The following PNO1 variants were observed in gnomAD, a reference collection of about 807,000 sequenced individuals.
PNO1 encodes the protein RNA-binding protein PNO1.
Under a neutral mutation model 28.4 loss-of-function variants are expected in PNO1, and 16 were observed. The ratio of observed to expected loss-of-function variants is 0.56; its 90% confidence interval spans 0.38 to 0.85. The LOEUF is 0.85. Among genes scored for constraint, PNO1 ranks in the 40% least tolerant of loss-of-function variants. The probability of loss-of-function intolerance (pLI) is 0.00; values close to 1 mark genes in which losing one functional copy is unlikely to be tolerated. For missense variants in PNO1, 304 were observed against 312.2 expected (o/e 0.97, Z 0.20); for synonymous variants, 115 against 110.8 (o/e 1.04, Z -0.24).
At chr2:68,174,667 T>G in intron 6 of PNO1, 68 bp from the exon 7 acceptor site, 1 of 1,058,288 alleles carries the variant, frequency 9.4e-7, no homozygotes, top group Non-Finnish European at 1.4e-6. Context: ...CCTTAGACAC[T>G]GAGGGACAAC....
At chr2:68,174,407 C>T (rs1399561858) in intron 6 of PNO1, among the ~76,000 whole-genome samples, 1 of 147,530 alleles carries the variant, frequency 6.8e-6, no homozygotes, top group African/African-American at 2.5e-5. Flanking sequence ...ATCTGCGGAT[C>T]GAACCAATGG....
intron 2 of PNO1, among the ~76,000 whole-genome samples, chr2:68,159,802 CT>C (rs1405805536): frequency 6.6e-6 from 1 of 151,932 alleles, no homozygotes; most frequent in Non-Finnish European, 1.5e-5. Flanking sequence ...CTCATTCAGG[CT>C]TTTATGGTTT....
chr2:68,171,427 T>G lies in PNO1; in HGVS notation c.621-1920T>G, dbSNP rs1016213299. On this transcript the variant is annotated intron_variant, in intron 5 of 6. Coordinates refer to ENST00000263657, the MANE Select transcript of PNO1 (RefSeq NM_020143.4). ...GCTTCTTGATATTCCTGCTGCTGAT[T>G]TAGGCATCAGTTGACTTCGGTCTGC... 9.8e-5 allele frequency among the ~76,000 whole-genome samples: 15 copies of G among 152,330 alleles called. No homozygotes were observed. In the South Asian group the frequency reaches 2.9e-3, roughly 29 times the overall value.
intron 3 of PNO1, 54 bp downstream of exon 3, chr2:68,161,820 C>G: frequency 9.0e-7 from 1 of 1,117,098 alleles, no homozygotes; most frequent in South Asian, 1.3e-5. Flanking sequence ...TCAATGTGAA[C>G]ATTTCAATGG....
intron 5 of PNO1, among the ~76,000 whole-genome samples, chr2:68,168,814 T>TC (rs1674055328): frequency 6.6e-6 from 1 of 152,176 alleles, no homozygotes; most frequent in Non-Finnish European, 1.5e-5. Flanking sequence ...AATTTCCTTT[T>TC]CTTTTTTTTA....
chr2:68,166,376 C>G (rs1359892522), intron 5 of PNO1, among the ~76,000 whole-genome samples: 1 of 132,408 alleles, frequency 7.6e-6, no homozygotes, highest in South Asian at 2.6e-4. Flanking sequence ...TGTACTCTTT[C>G]ATAAAGTAAG....
intron 5 of PNO1, among the ~76,000 whole-genome samples, chr2:68,172,878 C>A (rs1674166730): frequency 6.6e-6 from 1 of 152,050 alleles, no homozygotes; most frequent in South Asian, 2.1e-4. Flanking sequence ...TCAAACAATT[C>A]TTTGTCTTTT....
intron 1 of PNO1, 27 bp from the exon 2 acceptor site, chr2:68,158,353 C>T: frequency 6.3e-7 from 1 of 1,598,352 alleles, no homozygotes; most frequent in Non-Finnish European, 8.5e-7. Flanking sequence ...CCATAGCCTT[C>T]TGAGTTGTGT....
In PNO1 at chr2:68,174,763, T is replaced by C. The variant is rs752152679; in HGVS notation, c.720T>C (p.Asn240=). Reference sequence around the variant, plus strand: ...ATCCTCCTTCCAAGGTTTATGGCAATATTCGAGCTGTGGCTAGCAGATCAG... The same window carrying C: ...ATCCTCCTTCCAAGGTTTATGGCAACATTCGAGCTGTGGCTAGCAGATCAG... ...LGNPPSKVYG[N]IRAVASRSAD... is the part of the protein sequence containing the mutation. The change falls in exon 7 of 7, where the codon AAT becomes AAC. Residue 240 remains asparagine (N), a synonymous_variant. Transcript: ENST00000263657. 1 of 1,611,052 alleles carries C rather than the reference T, an allele frequency of 6.2e-7. No homozygotes were observed. The highest frequency in any genetic ancestry group is 1.7e-5 in the Admixed American group (1 of 59,942).
Position 68,162,592 on chromosome 2 carries a change from C to T in PNO1, c.549C>T (p.Ile183=), listed in dbSNP as rs145761768. The part of the protein sequence containing the change: ...GDHLSRAIGR[I]AGKGGKTKFT... ...ATCTATCCAGGGCAATAGGAAGAATCGCTGGCAAAGGAGGAAAAACCAAAT... is the reference window on the plus strand; with the variant it reads ...ATCTATCCAGGGCAATAGGAAGAATTGCTGGCAAAGGAGGAAAAACCAAAT... The change falls in exon 5 of 7, where the codon ATC becomes ATT. Residue 183 remains isoleucine, a synonymous_variant. Transcript: ENST00000263657. 14 of 1,613,734 alleles carry T rather than the reference C, an allele frequency of 8.7e-6. No individual in the cohort carries two copies. The highest frequency in any genetic ancestry group is 2.2e-5 in the South Asian group (2 of 91,078).
At chr2:68,173,140 G>T in intron 5 of PNO1, 1 of 283,042 alleles carries the variant, frequency 3.5e-6, no homozygotes, top group East Asian at 5.4e-5. Flanking sequence ...CACTCAGGTT[G>T]GCATGTTGCA....
In PNO1 at chr2:68,173,591, T is replaced by TG. The variant is rs893152064; in HGVS notation, c.691+174_691+175insG. Among the ~76,000 whole-genome samples the TG allele has an allele frequency of 1.4e-4, 21 of 147,914 alleles. 1 individual carries two copies. Among genetic ancestry groups the TG allele is most frequent in the African/African-American group, 5.3e-4 (21 of 39,956 alleles). ...AGGAAGTAGAATTTTTTTTTTTTTT[T>TG]TTTTTTTCTGAGCCAGAGTCTCGCT... On this transcript the variant is annotated intron_variant, in intron 6 of 6. Transcript: ENST00000263657.
In PNO1 at chr2:68,176,185, T is replaced by A. The variant is rs1357121712; in HGVS notation, c.*1383T>A. On this transcript the variant is annotated 3_prime_UTR_variant, in exon 7 of 7. Transcript: ENST00000263657. ...TCTGCCTGTTTAAATGGTATTATTT[T>A]ATACATTACAAAATGGAAGGAACTT... The A allele has an allele frequency of 2.0e-5, 3 of 152,264 alleles. No individual in the cohort carries two copies. Among genetic ancestry groups the A allele is most frequent in the Non-Finnish European group, 4.4e-5 (3 of 68,046 alleles). 9.4% of individuals were successfully genotyped at this position (152,264 alleles called of 1,614,324 possible).
At chr2:68,174,634 G>A (rs1160492285) in intron 6 of PNO1, 101 bp from the exon 7 acceptor site, 2 of 691,404 alleles carry the variant, frequency 2.9e-6, no homozygotes, top group Non-Finnish European at 5.1e-6. Context: ...TGTGGTGTCT[G>A]TGGGAGTCCT....
At position 68,157,910 on chromosome 2, in the gene PNO1, C is replaced by G; in HGVS notation, c.-25C>G. The G allele has an allele frequency of 6.2e-7, 1 of 1,605,534 alleles. No homozygotes were observed. Among genetic ancestry groups the G allele is most frequent in the Non-Finnish European group, 8.5e-7 (1 of 1,173,008 alleles). ...GGTGCAGCTGCGCACGTGTTTCAGC[C>G]GGCAGCGCTTTAAGATTTCCGGGGA... On this transcript the variant is annotated 5_prime_UTR_variant, in exon 1 of 7. Coordinates refer to ENST00000263657, the MANE Select transcript of PNO1 (RefSeq NM_020143.4).
At chr2:68,161,253 A>T (rs1558618184) in intron 2 of PNO1, 1 of 471,458 alleles carries the variant, frequency 2.1e-6, no homozygotes, top group Middle Eastern at 3.2e-4. Context: ...TTGGTTTAAG[A>T]AACATCAGCA....
In PNO1 at chr2:68,158,474, A is replaced by G. The variant is rs199695520; in HGVS notation, c.302A>G (p.Glu101Gly). 3.4e-5 allele frequency: 55 copies of G among 1,613,590 alleles called. No individual in the cohort carries two copies. Among genetic ancestry groups the G allele is most frequent in the Non-Finnish European group, 5.9e-6 (7 of 1,179,628 alleles). The part of the protein sequence containing the change: ...NWMKIFTPIV[E>G]HLGLQIRFNL... ...ATGAAGATATTTACTCCTATTGTGG[A>G]ACATTTGGGACTTCAGATACGCTTT... Residue 101 changes from glutamate to glycine, a missense_variant, in exon 2 of 7, where the codon GAA becomes GGA. Transcript: ENST00000263657.
At chr2:68,171,685 G>A (rs1199343597) in intron 5 of PNO1, among the ~76,000 whole-genome samples, 1 of 152,174 alleles carries the variant, frequency 6.6e-6, no homozygotes, top group Non-Finnish European at 1.5e-5. Context: ...AGTGAGCGAG[G>A]AGGCTTGACC....
At chr2:68,173,207 G>T in intron 5 of PNO1, 140 bp from the exon 6 acceptor site, 1 of 561,710 alleles carries the variant, frequency 1.8e-6, no homozygotes. Context: ...TGTAGAGATG[G>T]CGTCTCATTA....
Sources: gnomAD v4.1 joint callset for allele counts (sites outside exome capture counted in the v4.1 genomes callset) on GRCh38, gnomAD v4.1.1 for gene constraint, MANE v1.5 for transcripts, NCBI Gene and HGNC (gene_info 2026-07-23, HGNC 2026-07-21) for gene names.